ZBTB45: variants seen among roughly 807,000 people sequenced by gnomAD.
ZBTB45 encodes zinc finger and BTB domain containing 45.
Under a neutral mutation model 28.4 loss-of-function variants are expected in ZBTB45, and 22 were observed. The observed-to-expected ratio is 0.77, with a 90% CI of 0.55 to 1.10. ZBTB45 has a LOEUF of 1.10. ZBTB45 is among the 50% of genes least tolerant of loss of function. ZBTB45 has a pLI of 0.00. For synonymous variants in ZBTB45, 361 were observed against 332.3 expected (o/e 1.09, Z -0.94); for missense variants, 656 against 750.2 (o/e 0.87, Z 1.47).
chr19:58,529,293 T>G (rs1036907243), intron 1 of ZBTB45, among the ~76,000 whole-genome samples: 1 of 152,086 alleles, frequency 6.6e-6, no homozygotes, highest in African/African-American at 2.4e-5. Context: ...AAAAAAAGTT[T>G]AGCCAGGCAT....
intron 1 of ZBTB45, among the ~76,000 whole-genome samples, chr19:58,535,088 G>A (rs1350090200): frequency 6.6e-6 from 1 of 150,634 alleles, no homozygotes; most frequent in African/African-American, 2.4e-5. Context: ...GGCCAGGCTG[G>A]TCTCGAACTC....
upstream of ZBTB45, among the ~76,000 whole-genome samples, chr19:58,523,151 G>T (rs182403780): frequency 3.9e-5 from 6 of 152,224 alleles, no homozygotes; most frequent in Admixed American, 2.6e-4. Flanking sequence ...ACAGGAAGGA[G>T]AAAAACCAAA....
intron 1 of ZBTB45, among the ~76,000 whole-genome samples, chr19:58,527,259 AG>A (rs1166174566): frequency 2.0e-5 from 3 of 152,170 alleles, no homozygotes; most frequent in Non-Finnish European, 4.4e-5. Context: ...TTATGGCCCC[AG>A]GGGACAGTCT....
intron 1 of ZBTB45, among the ~76,000 whole-genome samples, chr19:58,532,740 G>C (rs966773546): frequency 6.6e-6 from 1 of 152,022 alleles, no homozygotes; most frequent in African/African-American, 2.4e-5. Flanking sequence ...TAGAGACAAG[G>C]TTTCACTATG....
intron 1 of ZBTB45, among the ~76,000 whole-genome samples, chr19:58,528,973 A>G (rs1483610840): frequency 6.6e-6 from 1 of 151,790 alleles, no homozygotes; most frequent in African/African-American, 2.4e-5. Context: ...AATGCCAGCT[A>G]CTTGGGAGGC....
rs111340524 is a variant in ZBTB45 at position 58,530,209 on chromosome 19, G to GCACACACACACACA, written c.-1+8478_-1+8491dup. Among the ~76,000 whole-genome samples the GCACACACACACACA allele has an allele frequency of 4.5e-3, 665 of 148,598 alleles. 4 individuals carry two copies. The highest frequency in any genetic ancestry group is 0.016 in the East Asian group (79 of 5,022). On this transcript the variant is annotated intron_variant, in intron 1 of 1. Coordinates refer to the ZBTB45 transcript ENST00000600130. Reference sequence around the variant, plus strand: ...CAGAGACCTTGCCATGAGAGCGCATGCACACACACACACACACACACACAC... The same window carrying GCACACACACACACA: ...CAGAGACCTTGCCATGAGAGCGCATGCACACACACACACACACACACACACACACACACACACAC...
In ZBTB45 at chr19:58,533,105, G is replaced by A. The variant is rs902727654; in HGVS notation, c.-1+5596C>T. Among the ~76,000 whole-genome samples, 6 of 152,218 alleles carry A rather than the reference G, an allele frequency of 3.9e-5. No homozygotes were observed. In the South Asian group the frequency reaches 1.2e-3, roughly 32 times the overall value. On this transcript the variant is annotated intron_variant, in intron 1 of 1. Coordinates refer to the ZBTB45 transcript ENST00000600130. Reference sequence around the variant, plus strand: ...CCCGCCTTGGCCTCCCAAAGTGCTGGGATTACAGGCGTGAGCCACCACGTC... The same window carrying A: ...CCCGCCTTGGCCTCCCAAAGTGCTGAGATTACAGGCGTGAGCCACCACGTC...
chr19:58,522,947 G>A (rs2053586296), upstream of ZBTB45, among the ~76,000 whole-genome samples: 1 of 152,170 alleles, frequency 6.6e-6, no homozygotes, highest in African/African-American at 2.4e-5. Context: ...TGCACCTAGT[G>A]GGGTGGCAAA....
rs139237855 is a variant in ZBTB45, at chr19:58,528,251, T to C, written c.-1+10450A>G. Reference sequence around the variant, plus strand: ...AGGACACTTCCTGTTTACAGGAGACTATAAAACTCCTGCCCTGTCCTTACT... The same window carrying C: ...AGGACACTTCCTGTTTACAGGAGACCATAAAACTCCTGCCCTGTCCTTACT... On this transcript the variant is annotated intron_variant, in intron 1 of 1. Transcript: ENST00000600130. Among the ~76,000 whole-genome samples, 5 of 152,224 alleles carry C rather than the reference T, an allele frequency of 3.3e-5. No individual in the cohort carries two copies. The East Asian group carries it at 9.6e-4, about 29-fold the overall frequency.
chr19:58,514,033 C>T lies in ZBTB45; in HGVS notation c.*21G>A. 1 of 1,389,018 alleles carries T rather than the reference C, an allele frequency of 7.2e-7. No homozygotes were observed. The highest frequency in any genetic ancestry group is 9.3e-7 in the Non-Finnish European group (1 of 1,077,976). The allele number at this position is 1,389,018 out of a possible 1,614,324, so 86.0% of individuals were successfully genotyped here. A position where few individuals can be genotyped will look rare whatever the true frequency, so the allele number is the denominator to read the frequency against. On this transcript the variant is annotated 3_prime_UTR_variant, in exon 3 of 3. Coordinates refer to ENST00000594051, the MANE Select transcript of ZBTB45 (RefSeq NM_001316979.2). ...CGGGAGGCCCCGGATCCACCGTGGG[C>T]GAGGCCAGGCCCCAGCGCCATCAGG...
chr19:58,516,273 AG>A lies in ZBTB45; in HGVS notation c.1279+121del. On this transcript the variant is annotated intron_variant, in intron 2 of 2. Coordinates refer to ENST00000594051, the MANE Select transcript of ZBTB45 (RefSeq NM_001316979.2). The surrounding 1 kb of genome is among the most constrained non-coding windows in gnomAD (Gnocchi z 6.2). ...GCACTTGGGGGAAGGCTCAATTTCTAGGCCCCCTGCTAACCAAAAGTAACAG... is the reference window on the plus strand; with the variant it reads ...GCACTTGGGGGAAGGCTCAATTTCTAGCCCCCTGCTAACCAAAAGTAACAG... 7.9e-7 allele frequency: 1 copy of A among 1,272,156 alleles called. No individual in the cohort carries two copies. Among genetic ancestry groups the A allele is most frequent in the Non-Finnish European group, 1.1e-6 (1 of 922,968 alleles). The allele number at this position is 1,272,156 out of a possible 1,614,324, so 78.8% of individuals were successfully genotyped here.
intron 1 of ZBTB45, among the ~76,000 whole-genome samples, chr19:58,536,083 A>G: frequency 6.7e-6 from 1 of 148,638 alleles, no homozygotes; most frequent in East Asian, 2.0e-4. Flanking sequence ...CCAGAATTGG[A>G]TTTTTTTTTT....
At position 58,516,532 on chromosome 19, in the gene ZBTB45, G is replaced by C; in HGVS notation, c.1142C>G (p.Ser381Cys). 6.2e-7 allele frequency: 1 copy of C among 1,611,502 alleles called. No homozygotes were observed. Among genetic ancestry groups the C allele is most frequent in the Admixed American group, 1.7e-5 (1 of 59,730 alleles). ...STQLGEVPAP[S>C]AAPTTAPSGT... ...TGAGGGGGCCGTGGTGGGAGCAGCAGAGGGAGCCGGGACCTCCCCCAGCTG... is the reference window on the plus strand; with the variant it reads ...TGAGGGGGCCGTGGTGGGAGCAGCACAGGGAGCCGGGACCTCCCCCAGCTG... The change falls in exon 2 of 3, where the codon TCT becomes TGT. Residue 381 changes from serine (S) to cysteine (C), a missense_variant. Ser to Cys is a moderately radical substitution (Grantham distance 112). Around this residue, in one of 3 missense-constraint regions of ZBTB45, gnomAD observed 448 missense variants for 444.3 expected, o/e 1.01. Coordinates refer to ENST00000594051, the MANE Select transcript of ZBTB45 (RefSeq NM_001316979.2). This position sits in a 1 kb window ranked among gnomAD's most constrained non-coding sequence, Gnocchi z 6.2.
rs2053633043 is a variant in ZBTB45 at position 58,530,944 on chromosome 19, A to C, written c.-1+7757T>G. Among the ~76,000 whole-genome samples, 3 of 152,134 alleles carry C rather than the reference A, an allele frequency of 2.0e-5. No homozygotes were observed. In the South Asian group the frequency reaches 6.2e-4, roughly 31 times the overall value. On this transcript the variant is annotated intron_variant, in intron 1 of 1. Transcript: ENST00000600130. ...ATGATCCACCTGCCTTGGCTTCCCA[A>C]AATGCTAGGATTACAGGAGTGAGCC...
At chr19:58,523,021 T>C (rs2053586564), upstream of ZBTB45, among the ~76,000 whole-genome samples, 1 of 151,812 alleles carries the variant, frequency 6.6e-6, no homozygotes, top group African/African-American at 2.4e-5. Flanking sequence ...AAGGGACAGA[T>C]TCAGGGTAGG....
At chr19:58,526,235 G>A (rs775312802) in intron 1 of ZBTB45, among the ~76,000 whole-genome samples, 2 of 152,092 alleles carry the variant, frequency 1.3e-5, no homozygotes, top group Admixed American at 1.3e-4. Context: ...TTGAGATGCA[G>A]TTTGGCTCTT....
At chr19:58,529,216 G>T (rs934339663) in intron 1 of ZBTB45, among the ~76,000 whole-genome samples, 8 of 152,196 alleles carry the variant, frequency 5.3e-5, no homozygotes, top group Non-Finnish European at 1.2e-4. Flanking sequence ...AAGGCAGGGG[G>T]ATCGCTTGAT....
intron 1 of ZBTB45, among the ~76,000 whole-genome samples, chr19:58,534,309 C>T (rs2053649253): frequency 6.6e-6 from 1 of 152,170 alleles, no homozygotes; most frequent in Admixed American, 6.5e-5. Context: ...GGCTGCACAA[C>T]ATTGTGAATG....
At chr19:58,531,633 G>A (rs546744189) in intron 1 of ZBTB45, among the ~76,000 whole-genome samples, 1 of 152,318 alleles carries the variant, frequency 6.6e-6, no homozygotes, top group Non-Finnish European at 1.5e-5. Flanking sequence ...TGGGAAGGCA[G>A]GATTGATGCC....
Sources: allele counts gnomAD v4.1 joint callset (sites outside exome capture counted in the v4.1 genomes callset), GRCh38; gene constraint gnomAD v4.1.1; regional missense constraint gnomAD v4.1.1; non-coding constraint Gnocchi (gnomAD v3.1); transcripts MANE v1.5; gene names NCBI Gene and HGNC (gene_info 2026-07-23, HGNC 2026-07-21).